The following UBTD2 variants were observed in gnomAD, a reference collection of about 807,000 sequenced individuals.
UBTD2 encodes ubiquitin domain-containing protein 2.
In UBTD2, 9 loss-of-function variants were observed where a neutral mutation model predicts 19.8. The observed-to-expected ratio is 0.46, with a 90% CI of 0.27 to 0.79. UBTD2 has a LOEUF of 0.79. Among genes scored for constraint, UBTD2 ranks in the 30% least tolerant of loss-of-function variants. The pLI is 0.14. For synonymous variants in UBTD2, 98 were observed against 103.9 expected, an observed-to-expected ratio of 0.94 and a Z score of 0.35; for missense variants, 250 against 300.4, an observed-to-expected ratio of 0.83 and a Z score of 1.24.
At chr5:172,260,755 T>C (rs1376227417) in intron 1 of UBTD2, among the ~76,000 whole-genome samples, 1 of 152,200 alleles carries the variant, frequency 6.6e-6, no homozygotes, top group Non-Finnish European at 1.5e-5. Flanking sequence ...GGTATCATTT[T>C]ATTGTTTCTA....
intron 1 of UBTD2, among the ~76,000 whole-genome samples, chr5:172,244,544 C>A (rs533608303): frequency 1.3e-5 from 2 of 151,594 alleles, no homozygotes; most frequent in East Asian, 2.0e-4. Context: ...ATGATCCGCC[C>A]GCCTTAGCCT....
chr5:172,268,611 G>A (rs2113116228), intron 1 of UBTD2, among the ~76,000 whole-genome samples: 1 of 152,222 alleles, frequency 6.6e-6, no homozygotes, highest in Non-Finnish European at 1.5e-5. Flanking sequence ...AGCCAGGCAT[G>A]GTGGCGCACA....
At chr5:172,265,363 G>A (rs1755355841) in intron 1 of UBTD2, among the ~76,000 whole-genome samples, 1 of 152,158 alleles carries the variant, frequency 6.6e-6, no homozygotes, top group African/African-American at 2.4e-5. Flanking sequence ...ACGGAGTCTT[G>A]CTCTGTCACC....
At chr5:172,234,405 A>T (rs770448690) in intron 1 of UBTD2, 47 bp from the exon 2 acceptor site, 1 of 1,503,928 alleles carries the variant, frequency 6.6e-7, no homozygotes, top group East Asian at 2.3e-5. Context: ...AATTTATAAA[A>T]TATGTATCAA....
upstream of UBTD2, chr5:172,284,060 G>C (rs1042751577): frequency 6.7e-6 from 1 of 149,870 alleles, no homozygotes; most frequent in Non-Finnish European, 1.5e-5. Context: ...TCGGCCCCCG[G>C]CCCGCGGCGC....
chr5:172,221,247 C>T (rs1482553994), intron 2 of UBTD2, among the ~76,000 whole-genome samples: 2 of 151,668 alleles, frequency 1.3e-5, no homozygotes, highest in Non-Finnish European at 2.9e-5. Flanking sequence ...TTCATGCCTG[C>T]AATCCCAGTG....
chr5:172,262,446 CAAAA>C (rs1191776236), intron 1 of UBTD2, among the ~76,000 whole-genome samples: 22 of 48,890 alleles, frequency 4.5e-4, no homozygotes, highest in African/African-American at 1.0e-3. Flanking sequence ...ACAGATCCAC[CAAAA>C]AAAAAAAAAA....
chr5:172,216,271 T>C (rs974538137), intron 2 of UBTD2, among the ~76,000 whole-genome samples: 1 of 151,506 alleles, frequency 6.6e-6, no homozygotes, highest in Admixed American at 6.6e-5. Context: ...ATCCAGAAAC[T>C]GTGGGACAAA....
chr5:172,267,791 A>G (rs1482802902), intron 1 of UBTD2, among the ~76,000 whole-genome samples: 2 of 152,262 alleles, frequency 1.3e-5, no homozygotes, highest in African/African-American at 4.8e-5. Context: ...AGATTTAAAA[A>G]AAAAGAAGAT....
chr5:172,282,150 A>G (rs1029223652), intron 1 of UBTD2, among the ~76,000 whole-genome samples: 1 of 152,228 alleles, frequency 6.6e-6, no homozygotes, highest in Non-Finnish European at 1.5e-5. Context: ...ATACTAATAT[A>G]TTTCAGAATC....
intron 2 of UBTD2, among the ~76,000 whole-genome samples, chr5:172,219,299 T>C (rs1771608385): frequency 6.6e-6 from 1 of 152,256 alleles, no homozygotes; most frequent in Admixed American, 6.5e-5. Context: ...TTTTGCTTTC[T>C]GCAGTTTCAA....
At chr5:172,242,506 G>T in intron 1 of UBTD2, 1 of 825,476 alleles carries the variant, frequency 1.2e-6, no homozygotes, top group Non-Finnish European at 1.5e-6. Flanking sequence ...ATTTTAACTT[G>T]TTCCTTTACC....
intron 2 of UBTD2, among the ~76,000 whole-genome samples, chr5:172,217,351 G>A (rs779543906): frequency 8.6e-5 from 13 of 150,932 alleles, no homozygotes; most frequent in Non-Finnish European, 1.6e-4. Flanking sequence ...CCCGGGAGGC[G>A]GAGCTTGCAG....
At chr5:172,276,677 T>C (rs1446603831) in intron 1 of UBTD2, among the ~76,000 whole-genome samples, 1 of 151,268 alleles carries the variant, frequency 6.6e-6, no homozygotes, top group East Asian at 1.9e-4. Context: ...ATTTGTAAGG[T>C]TCATTATTGG....
intron 2 of UBTD2, among the ~76,000 whole-genome samples, chr5:172,223,615 A>AAAAAAAAAAAC (rs1771697611): frequency 6.8e-6 from 1 of 146,382 alleles, no homozygotes; most frequent in African/African-American, 2.5e-5. Context: ...AAAAAAAAAA[A>AAAAAAAAAAAC]AAGCACACTT....
chr5:172,251,465 CAAAA>C (rs59810255), intron 1 of UBTD2, among the ~76,000 whole-genome samples: 1,692 of 91,892 alleles, frequency 0.018, 30 homozygotes, highest in African/African-American at 0.058. Flanking sequence ...TCAAACTGTC[CAAAA>C]AAAAAAAAAA....
intron 1 of UBTD2, among the ~76,000 whole-genome samples, chr5:172,281,375 C>T (rs1230740363): frequency 7.2e-5 from 11 of 152,166 alleles, no homozygotes; most frequent in Admixed American, 4.6e-4. Flanking sequence ...GCATGCACCT[C>T]GTGGTCCCAG....
intron 1 of UBTD2, among the ~76,000 whole-genome samples, chr5:172,258,902 T>C (rs981539660): frequency 6.6e-6 from 1 of 152,156 alleles, no homozygotes; most frequent in Non-Finnish European, 1.5e-5. Flanking sequence ...AAGAAAGAGT[T>C]TGACTTCCTC....
chr5:172,231,289 A>G (rs1034046448), intron 2 of UBTD2, among the ~76,000 whole-genome samples: 2 of 152,250 alleles, frequency 1.3e-5, no homozygotes, highest in African/African-American at 4.8e-5. Flanking sequence ...GGCATCAGTG[A>G]CAATATTAAC....
Sources: allele counts gnomAD v4.1 joint callset (sites outside exome capture counted in the v4.1 genomes callset), GRCh38; gene constraint gnomAD v4.1.1; transcripts MANE v1.5; gene names NCBI Gene and HGNC (gene_info 2026-07-23, HGNC 2026-07-21).